The following BRD10 variants were observed in gnomAD, a reference collection of about 807,000 sequenced individuals.
The protein encoded by BRD10 is uncharacterized bromodomain-containing protein 10.
At chr9:5,979,901 G>A in the BRD10 span, among the ~76,000 whole-genome samples, 1 of 151,108 alleles carries the variant, frequency 6.6e-6, no homozygotes, top group African/African-American at 2.4e-5. Context: ...TGTAGCCCTA[G>A]CTACTCAGGA....
chr9:5,939,180 G>A, the BRD10 span, among the ~76,000 whole-genome samples: 3 of 152,070 alleles, frequency 2.0e-5, no homozygotes, highest in African/African-American at 7.2e-5. Flanking sequence ...TTCATATAGT[G>A]AAAGCCGTTA....
At chr9:5,937,911 G>T in the BRD10 span, among the ~76,000 whole-genome samples, 1 of 152,112 alleles carries the variant, frequency 6.6e-6, no homozygotes, top group Non-Finnish European at 1.5e-5. Flanking sequence ...TGCCTTACCA[G>T]TCATATATAT....
the BRD10 span, chr9:5,908,630 G>T: frequency 6.2e-7 from 1 of 1,612,986 alleles, no homozygotes; most frequent in Non-Finnish European, 8.5e-7. Context: ...TCCCTTTCTT[G>T]TTCTCACAGG....
the BRD10 span, among the ~76,000 whole-genome samples, chr9:5,962,270 C>T: frequency 1.4e-5 from 2 of 145,648 alleles, no homozygotes; most frequent in South Asian, 2.3e-4. Flanking sequence ...TCAGAGAATA[C>T]TACAAACACC....
At chr9:5,949,190 C>T in the BRD10 span, among the ~76,000 whole-genome samples, 1 of 152,124 alleles carries the variant, frequency 6.6e-6, no homozygotes, top group Admixed American at 6.5e-5. Flanking sequence ...CATCTTAATA[C>T]AGTAAGCAGT....
At chr9:5,908,978 G>A in the BRD10 span, 2 of 400,658 alleles carry the variant, frequency 5.0e-6, no homozygotes, top group Non-Finnish European at 9.0e-6. Context: ...GTAAATCCAT[G>A]GTGTTATTTT....
chr9:5,886,535 T>G, the BRD10 span, among the ~76,000 whole-genome samples: 16 of 152,176 alleles, frequency 1.1e-4, no homozygotes, highest in South Asian at 2.1e-4. Context: ...CTTTCAGAGG[T>G]TTGAGATTTG....
At chr9:5,921,429 C>T in the BRD10 span, 1 of 1,613,882 alleles carries the variant, frequency 6.2e-7, no homozygotes, top group Non-Finnish European at 8.5e-7. Context: ...GATTCTGCAA[C>T]AAGAGTTGGG....
the BRD10 span, among the ~76,000 whole-genome samples, chr9:5,937,435 T>C: frequency 1.3e-5 from 2 of 151,612 alleles, no homozygotes; most frequent in African/African-American, 4.9e-5. Context: ...CTAGGGAGGC[T>C]GAGGCAGGAG....
chr9:5,891,802 G>A, the BRD10 span, among the ~76,000 whole-genome samples: 1 of 152,234 alleles, frequency 6.6e-6, no homozygotes. Context: ...GTTAGATAAA[G>A]TCAGGTCCTG....
At chr9:5,995,857 G>A in the BRD10 span, among the ~76,000 whole-genome samples, 7 of 152,010 alleles carry the variant, frequency 4.6e-5, no homozygotes, top group Admixed American at 6.6e-5. Flanking sequence ...CAAAGAACAC[G>A]CTAACAATTT....
chr9:5,885,370 G>A, the BRD10 span, among the ~76,000 whole-genome samples: 6 of 125,748 alleles, frequency 4.8e-5, no homozygotes, highest in African/African-American at 1.8e-4. Flanking sequence ...ATGAGTTGAC[G>A]TATGTTATCT....
chr9:5,940,403 C>T, the BRD10 span, among the ~76,000 whole-genome samples: 1 of 152,106 alleles, frequency 6.6e-6, no homozygotes, highest in Admixed American at 6.5e-5. Context: ...CCATGTTAGC[C>T]AGGCTGGTCT....
chr9:5,887,643 G>C, the BRD10 span, among the ~76,000 whole-genome samples: 2 of 152,162 alleles, frequency 1.3e-5, no homozygotes, highest in Non-Finnish European at 2.9e-5. Context: ...GGGATTTTCA[G>C]GCATAACCCT....
the BRD10 span, among the ~76,000 whole-genome samples, chr9:5,902,536 C>CT: frequency 6.6e-6 from 1 of 151,888 alleles, no homozygotes; most frequent in Non-Finnish European, 1.5e-5. Flanking sequence ...ACAATCATAG[C>CT]TCACTGTTAC....
At chr9:5,908,523 C>T in the BRD10 span, 2 of 893,430 alleles carry the variant, frequency 2.2e-6, no homozygotes, top group African/African-American at 1.7e-5. Context: ...TATGGGAACA[C>T]TTAGAAATTT....
At chr9:5,938,013 T>A in the BRD10 span, among the ~76,000 whole-genome samples, 4 of 152,180 alleles carry the variant, frequency 2.6e-5, no homozygotes, top group Non-Finnish European at 5.9e-5. Flanking sequence ...ATTCATGTTA[T>A]TTGCCCTTCT....
the BRD10 span, among the ~76,000 whole-genome samples, chr9:5,953,786 A>G: frequency 6.6e-6 from 1 of 152,046 alleles, no homozygotes; most frequent in Non-Finnish European, 1.5e-5. Flanking sequence ...ATTAAGATAT[A>G]AAAAAGGGTT....
the BRD10 span, among the ~76,000 whole-genome samples, chr9:5,947,196 G>C: frequency 3.9e-4 from 59 of 152,190 alleles, 4 homozygotes; most frequent in South Asian, 0.012. Context: ...TACTAAATTA[G>C]TACTTTTCAA....
Sources: gnomAD v4.1 joint callset for allele counts (sites outside exome capture counted in the v4.1 genomes callset) on GRCh38, gnomAD v4.1.1 for gene constraint, MANE v1.5 for transcripts, NCBI Gene and HGNC (gene_info 2026-07-23, HGNC 2026-07-21) for gene names.